ZNF385B: variants seen among roughly 807,000 people sequenced by gnomAD.
ZNF385B encodes zinc finger protein 385B.
A neutral mutation model predicts 39.2 loss-of-function variants in ZNF385B; 23 were observed. The observed-to-expected ratio is 0.59, with a 90% CI of 0.42 to 0.83. The LOEUF (loss-of-function observed/expected upper bound fraction) is 0.83, where lower values mean the gene tolerates loss of function less well. ZNF385B is among the 40% of genes least tolerant of loss of function. ZNF385B has a pLI of 0.00. For missense variants in ZNF385B, 552 were observed against 598.9 expected, an observed-to-expected ratio of 0.92 and a Z score of 0.82; for synonymous variants, 205 against 222.6, an observed-to-expected ratio of 0.92 and a Z score of 0.70.
chr2:179,819,309 T>A (rs1264719509), intron 1 of ZNF385B, among the ~76,000 whole-genome samples: 1 of 152,012 alleles, frequency 6.6e-6, no homozygotes, highest in Non-Finnish European at 1.5e-5. Flanking sequence ...GACAGGTGGG[T>A]GGCTCCACTT....
At chr2:179,546,583 T>C (rs2105912973) in intron 3 of ZNF385B, among the ~76,000 whole-genome samples, 1 of 152,318 alleles carries the variant, frequency 6.6e-6, no homozygotes, top group Non-Finnish European at 1.5e-5. Flanking sequence ...AATAGTACTC[T>C]ACTGTATATA....
At chr2:179,544,764 A>G (rs1390139165) in intron 4 of ZNF385B, 63 bp downstream of exon 4, 5 of 1,594,918 alleles carry the variant, frequency 3.1e-6, no homozygotes, top group Non-Finnish European at 4.3e-6. Context: ...TCTATTGACT[A>G]TTCACAAATG....
intron 3 of ZNF385B, among the ~76,000 whole-genome samples, chr2:179,619,843 T>A (rs1170206658): frequency 1.3e-5 from 2 of 152,132 alleles, no homozygotes. Context: ...ACCATAAAAA[T>A]TACTGTTTAA....
chr2:179,559,934 C>T (rs1559478639), intron 3 of ZNF385B, among the ~76,000 whole-genome samples: 1 of 152,174 alleles, frequency 6.6e-6, no homozygotes, highest in Non-Finnish European at 1.5e-5. Flanking sequence ...ATTCCCCTCT[C>T]TCCCACAGTC....
intron 3 of ZNF385B, among the ~76,000 whole-genome samples, chr2:179,713,698 A>C (rs111751301): frequency 1.3e-5 from 2 of 152,194 alleles, no homozygotes; most frequent in African/African-American, 4.8e-5. Context: ...TTGGCACAAA[A>C]TAGGTTCTTA....
intron 1 of ZNF385B, among the ~76,000 whole-genome samples, chr2:179,830,713 C>A (rs1055200944): frequency 6.6e-6 from 1 of 152,028 alleles, no homozygotes; most frequent in South Asian, 2.1e-4. Context: ...GATGGGGAGG[C>A]AGAGATGAAT....
chr2:179,738,101 T>C (rs1280277470), intron 3 of ZNF385B, among the ~76,000 whole-genome samples: 2 of 152,174 alleles, frequency 1.3e-5, no homozygotes, highest in East Asian at 1.9e-4. Context: ...GTAACACCCA[T>C]GAGGTATCTG....
chr2:179,823,405 G>A (rs1707513083), intron 1 of ZNF385B, among the ~76,000 whole-genome samples: 1 of 152,060 alleles, frequency 6.6e-6, no homozygotes, highest in Admixed American at 6.6e-5. Flanking sequence ...ACAAAGCTGA[G>A]CTCATTTATA....
intron 4 of ZNF385B, among the ~76,000 whole-genome samples, chr2:179,535,515 A>G (rs953148073): frequency 2.6e-5 from 4 of 152,172 alleles, no homozygotes; most frequent in African/African-American, 7.2e-5. Context: ...ACTCAATTCT[A>G]TTCTTCAATC....
chr2:179,810,433 T>C (rs1296181764), intron 1 of ZNF385B, among the ~76,000 whole-genome samples: 2 of 151,958 alleles, frequency 1.3e-5, no homozygotes, highest in African/African-American at 4.8e-5. Flanking sequence ...ATATATTCTT[T>C]ATTTTTTTAG....
At chr2:179,751,689 C>T (rs557298827) in intron 3 of ZNF385B, among the ~76,000 whole-genome samples, 15 of 151,990 alleles carry the variant, frequency 9.9e-5, no homozygotes, top group Admixed American at 2.6e-4. Context: ...ATCCTGGGGG[C>T]GTCAAAGAAC....
chr2:179,468,158 A>G (rs2052301604), intron 6 of ZNF385B, among the ~76,000 whole-genome samples: 1 of 152,234 alleles, frequency 6.6e-6, no homozygotes, highest in Non-Finnish European at 1.5e-5. Flanking sequence ...AAACAATGGC[A>G]TCTCCAACTA....
chr2:179,676,906 A>T (rs907117093), intron 3 of ZNF385B, among the ~76,000 whole-genome samples: 15 of 152,216 alleles, frequency 9.9e-5, no homozygotes, highest in African/African-American at 3.6e-4. Flanking sequence ...AGAAATACTC[A>T]GGGAGTAATA....
chr2:179,520,871 A>T (rs2058436870), intron 4 of ZNF385B, among the ~76,000 whole-genome samples: 1 of 152,232 alleles, frequency 6.6e-6, no homozygotes, highest in South Asian at 2.1e-4. Flanking sequence ...AAATTGAAGT[A>T]CACTTAAACA....
chr2:179,847,907 A>G (rs1409023975), intron 1 of ZNF385B, among the ~76,000 whole-genome samples: 2 of 151,998 alleles, frequency 1.3e-5, no homozygotes, highest in South Asian at 2.1e-4. Flanking sequence ...TTAAGAGTCT[A>G]CTTCAACAAA....
chr2:179,759,255 T>C (rs1487472485), intron 3 of ZNF385B, among the ~76,000 whole-genome samples: 1 of 152,088 alleles, frequency 6.6e-6, no homozygotes, highest in Non-Finnish European at 1.5e-5. Flanking sequence ...TCATGGAAAA[T>C]AAGCTCTGCA....
intron 1 of ZNF385B, among the ~76,000 whole-genome samples, chr2:179,832,961 G>T (rs1708060278): frequency 1.3e-5 from 2 of 151,970 alleles, no homozygotes; most frequent in Admixed American, 1.3e-4. Flanking sequence ...ATTTTTCAAG[G>T]TTAATTTATA....
chr2:179,676,331 G>T (rs112819803), intron 3 of ZNF385B, among the ~76,000 whole-genome samples: 28,045 of 150,094 alleles, frequency 0.19, 3,021 homozygotes, highest in Admixed American at 0.24. Flanking sequence ...GTCATGATCC[G>T]CCTGCCTCGG....
intron 3 of ZNF385B, among the ~76,000 whole-genome samples, chr2:179,673,648 C>T (rs2106309496): frequency 6.6e-6 from 1 of 152,276 alleles, no homozygotes; most frequent in South Asian, 2.1e-4. Flanking sequence ...TGACTTTCCT[C>T]TTCTCCAGCC....
Sources: gnomAD v4.1 joint callset for allele counts (sites outside exome capture counted in the v4.1 genomes callset) on GRCh38, gnomAD v4.1.1 for gene constraint, MANE v1.5 for transcripts, NCBI Gene and HGNC (gene_info 2026-07-23, HGNC 2026-07-21) for gene names.